Variants in LINGO2 observed in about 807,000 individuals in gnomAD.
LINGO2 encodes leucine-rich repeat and immunoglobulin-like domain-containing nogo receptor-interacting protein 2.
Under a neutral mutation model 30.6 loss-of-function variants are expected in LINGO2, and 14 were observed. The observed-to-expected ratio is 0.46, with a 90% CI of 0.30 to 0.72. The LOEUF is 0.72. Among genes scored for constraint, LINGO2 ranks in the 30% least tolerant of loss-of-function variants. LINGO2 has a pLI of 0.07. For missense variants in LINGO2, 729 were observed against 751.7 expected, an observed-to-expected ratio of 0.97 and a Z score of 0.35; for synonymous variants, 317 against 288.5, an observed-to-expected ratio of 1.10 and a Z score of -1.00.
chr9:28,901,207 G>A, the LINGO2 span, among the ~76,000 whole-genome samples: 1 of 152,154 alleles, frequency 6.6e-6, no homozygotes, highest in Non-Finnish European at 1.5e-5. Context: ...AGAATAACAT[G>A]TCCAGGAAAA....
intron 1 of LINGO2, among the ~76,000 whole-genome samples, chr9:28,613,309 C>T (rs950681923): frequency 6.6e-5 from 10 of 151,658 alleles, no homozygotes; most frequent in Non-Finnish European, 1.2e-4. Context: ...TACATAAATA[C>T]GTATCACAAA....
intron 4 of LINGO2, among the ~76,000 whole-genome samples, chr9:28,117,088 C>A (rs1369189935): frequency 1.6e-5 from 2 of 128,808 alleles, no homozygotes; most frequent in African/African-American, 5.7e-5. Flanking sequence ...GATGGGTTTT[C>A]GGTGTAGATG....
the LINGO2 span, among the ~76,000 whole-genome samples, chr9:28,835,514 T>C: frequency 6.6e-6 from 1 of 152,178 alleles, no homozygotes; most frequent in Non-Finnish European, 1.5e-5. Flanking sequence ...AACAACACTT[T>C]AGAAACCCAT....
intron 1 of LINGO2, among the ~76,000 whole-genome samples, chr9:28,613,254 T>G (rs1825994298): frequency 6.6e-6 from 1 of 152,092 alleles, no homozygotes. Context: ...GAAGCATTCT[T>G]GTGATAAATA....
At chr9:29,143,981 G>A in the LINGO2 span, among the ~76,000 whole-genome samples, 3 of 152,072 alleles carry the variant, frequency 2.0e-5, no homozygotes, top group African/African-American at 7.2e-5. Context: ...TCAATTTTCT[G>A]CATATGGCTA....
chr9:28,580,251 C>A (rs1027622456), intron 1 of LINGO2, among the ~76,000 whole-genome samples: 1 of 151,966 alleles, frequency 6.6e-6, no homozygotes, highest in Non-Finnish European at 1.5e-5. Context: ...ATGTATAAAT[C>A]CAAAACTTGT....
intron 1 of LINGO2, among the ~76,000 whole-genome samples, chr9:28,605,673 C>G (rs1229610155): frequency 6.6e-6 from 1 of 152,036 alleles, no homozygotes; most frequent in Non-Finnish European, 1.5e-5. Context: ...CACAAGCTGT[C>G]TTCTCATTAC....
intron 3 of LINGO2, among the ~76,000 whole-genome samples, chr9:28,362,807 T>C (rs1820505037): frequency 6.6e-6 from 1 of 152,174 alleles, no homozygotes; most frequent in African/African-American, 2.4e-5. Flanking sequence ...CTCTAATTCT[T>C]CTAGCAGTTA....
the LINGO2 span, among the ~76,000 whole-genome samples, chr9:29,093,073 A>G: frequency 7.8e-6 from 1 of 128,014 alleles, no homozygotes; most frequent in Non-Finnish European, 1.6e-5. Flanking sequence ...AGAGAGAGAC[A>G]GAGAGAGGGA....
the LINGO2 span, among the ~76,000 whole-genome samples, chr9:28,811,322 C>T: frequency 1.1e-4 from 16 of 152,118 alleles, no homozygotes; most frequent in Admixed American, 1.3e-4. Context: ...TGAATTACTT[C>T]GAGAGCCACT....
the LINGO2 span, among the ~76,000 whole-genome samples, chr9:29,153,066 T>C: frequency 2.0e-5 from 3 of 152,088 alleles, no homozygotes; most frequent in African/African-American, 7.2e-5. Context: ...ATATACAGTG[T>C]TAAAAATATA....
intron 1 of LINGO2, among the ~76,000 whole-genome samples, chr9:28,586,538 T>TA (rs1824550878): frequency 6.6e-6 from 1 of 152,074 alleles, no homozygotes; most frequent in African/African-American, 2.4e-5. Context: ...TGTATAAGTA[T>TA]AGTTTACTGT....
intron 3 of LINGO2, among the ~76,000 whole-genome samples, chr9:28,344,730 G>C (rs1035909741): frequency 1.3e-5 from 2 of 151,996 alleles, no homozygotes; most frequent in South Asian, 2.1e-4. Context: ...AAAAATATTT[G>C]TTTGAACACA....
At chr9:28,900,852 C>G in the LINGO2 span, among the ~76,000 whole-genome samples, 3 of 151,916 alleles carry the variant, frequency 2.0e-5, no homozygotes, top group East Asian at 5.8e-4. Context: ...AACCGCCTAG[C>G]AAAAAATTGA....
At chr9:28,117,382 C>T (rs1370448450) in intron 4 of LINGO2, among the ~76,000 whole-genome samples, 1 of 121,614 alleles carries the variant, frequency 8.2e-6, no homozygotes, top group African/African-American at 3.1e-5. Flanking sequence ...GTGCCCTGCC[C>T]CCAGAGGTGG....
chr9:28,140,581 C>T (rs1436062099), intron 4 of LINGO2, among the ~76,000 whole-genome samples: 3 of 152,172 alleles, frequency 2.0e-5, no homozygotes, highest in African/African-American at 7.2e-5. Flanking sequence ...TCACTGAAGG[C>T]TATCTTCATC....
Position 28,184,106 on chromosome 9 carries a change from C to T in LINGO2, c.-87+111102G>A, listed in dbSNP as rs150032887. Among the ~76,000 whole-genome samples the T allele has an allele frequency of 1.6e-4, 25 of 152,122 alleles. No individual in the cohort carries two copies. The East Asian group carries it at 4.1e-3, about 25-fold the overall frequency. ...TAAAGAAAAAGATCAACAAGGAATG[C>T]CAGGAAATGCTCTCTAGAACCTGTA... On this transcript the variant is annotated intron_variant, in intron 4 of 5. Transcript: ENST00000379992.
chr9:29,044,665 T>G, the LINGO2 span, among the ~76,000 whole-genome samples: 1 of 152,092 alleles, frequency 6.6e-6, no homozygotes, highest in Non-Finnish European at 1.5e-5. Flanking sequence ...TGTTTGTAAC[T>G]GAAACATATT....
At chr9:28,619,435 G>A (rs1238554044) in intron 1 of LINGO2, among the ~76,000 whole-genome samples, 1 of 152,072 alleles carries the variant, frequency 6.6e-6, no homozygotes, top group Non-Finnish European at 1.5e-5. Context: ...TATATATGCT[G>A]AGCCTCAATT....
Sources: gnomAD v4.1 joint callset for allele counts (sites outside exome capture counted in the v4.1 genomes callset) on GRCh38, gnomAD v4.1.1 for gene constraint, MANE v1.5 for transcripts, NCBI Gene and HGNC (gene_info 2026-07-23, HGNC 2026-07-21) for gene names.